Variants in UGT1A7 observed in about 807,000 individuals in gnomAD.
The protein encoded by UGT1A7 is UDP-glucuronosyltransferase 1A7.
In UGT1A7, 33 loss-of-function variants were observed where a neutral mutation model predicts 45.6. That is an observed-to-expected ratio of 0.72 (90% CI 0.55 to 0.97). The LOEUF (loss-of-function observed/expected upper bound fraction) is 0.97. UGT1A7 is among the 50% of genes least tolerant of loss of function. The pLI, the probability that UGT1A7 is intolerant of heterozygous loss-of-function variation, is 0.00. For missense variants in UGT1A7, 684 were observed against 666.2 expected (o/e 1.03, Z -0.29); for synonymous variants, 274 against 250.6 (o/e 1.09, Z -0.88).
At chr2:233,755,745 G>A (rs1342193963) in intron 1 of UGT1A7, 2 of 152,826 alleles carry the variant, frequency 1.3e-5, no homozygotes, top group Non-Finnish European at 2.9e-5. Context: ...TTCCAGCCCC[G>A]GTGCCCATTT....
At chr2:233,724,799 C>T (rs559235136) in intron 1 of UGT1A7, among the ~76,000 whole-genome samples, 7 of 139,258 alleles carry the variant, frequency 5.0e-5, no homozygotes, top group Non-Finnish European at 1.1e-4. Flanking sequence ...GACGGGGTGG[C>T]GGCCGGGCAG....
intron 4 of UGT1A7, chr2:233,770,945 C>A (rs537203065): frequency 1.3e-5 from 2 of 152,232 alleles, no homozygotes; most frequent in African/African-American, 4.8e-5. Flanking sequence ...GCCGGGGGAA[C>A]CTCAGGGAGC....
chr2:233,718,135 A>C, intron 1 of UGT1A7: 1 of 229,592 alleles, frequency 4.4e-6, no homozygotes, highest in Non-Finnish European at 9.1e-6. Flanking sequence ...GTAGATGGAG[A>C]ATCCTCAATA....
chr2:233,748,612 C>T (rs570236786), intron 1 of UGT1A7, among the ~76,000 whole-genome samples: 2 of 151,726 alleles, frequency 1.3e-5, no homozygotes, highest in East Asian at 1.9e-4. Context: ...GAGCAACGAA[C>T]GTGGGATATA....
At position 233,693,745 on chromosome 2, in the gene UGT1A7, T is replaced by C. The variant is rs368550302; in HGVS notation, c.855+10953T>C. On this transcript the variant is annotated intron_variant, in intron 1 of 4. Transcript: ENST00000373426. The stretch of plus-strand genomic sequence containing the variant: ...GAGATGTGGATATAATCACCTTATA[T>C]CAGAAGGTCTCTGTTTGGCTGTTAA... 4.3e-6 allele frequency: 7 copies of C among 1,614,236 alleles called. No homozygotes were observed. The South Asian group carries it at 7.7e-5, about 18-fold the overall frequency.
At chr2:233,706,327 CA>C (rs1479575351) in intron 1 of UGT1A7, among the ~76,000 whole-genome samples, 1 of 152,160 alleles carries the variant, frequency 6.6e-6, no homozygotes, top group Non-Finnish European at 1.5e-5. Context: ...TGGAACTATT[CA>C]AGCTGGTGAC....
At position 233,718,924 on chromosome 2, in the gene UGT1A7, C is replaced by T. The variant is rs1174289899; in HGVS notation, c.855+36132C>T. The stretch of plus-strand genomic sequence containing the variant: ...GAGAGTGGAAAGGTGTTGGTGGTGC[C>T]CACTGATGGCAGCCCCTGGCTCAGC... On this transcript the variant is annotated intron_variant, in intron 1 of 4. Transcript: ENST00000373426. 2.5e-6 allele frequency: 4 copies of T among 1,613,938 alleles called. No homozygotes were observed. The Admixed American group carries it at 5.0e-5, about 20-fold the overall frequency.
intron 1 of UGT1A7, among the ~76,000 whole-genome samples, chr2:233,723,789 T>G (rs1237220769): frequency 4.1e-5 from 2 of 49,208 alleles, no homozygotes; most frequent in Non-Finnish European, 6.9e-5. Flanking sequence ...TGCACCGCCC[T>G]TAATCCATTT....
intron 1 of UGT1A7, among the ~76,000 whole-genome samples, chr2:233,763,089 A>C (rs1698233437): frequency 6.6e-6 from 1 of 152,238 alleles, no homozygotes; most frequent in South Asian, 2.1e-4. Flanking sequence ...GGATGTTTGT[A>C]GGAGAGGCAC....
chr2:233,743,620 G>A (rs1195950260), intron 1 of UGT1A7: 2 of 1,367,320 alleles, frequency 1.5e-6, no homozygotes, highest in Non-Finnish European at 2.0e-6. Flanking sequence ...ACTCCCTGAA[G>A]ACGTCGGCTG....
intron 1 of UGT1A7, chr2:233,713,028 G>A (rs1164174226): frequency 1.9e-6 from 3 of 1,613,750 alleles, no homozygotes; most frequent in African/African-American, 1.3e-5. Flanking sequence ...GCCGCAGCTG[G>A]CCACAGGACT....
chr2:233,761,244 C>A lies in UGT1A7; in HGVS notation c.856-5790C>A, dbSNP rs555483711. 5.0e-6 allele frequency: 8 copies of A among 1,610,826 alleles called. No homozygotes were observed. In the African/African-American group the frequency reaches 1.1e-4, roughly 21 times the overall value. On this transcript the variant is annotated intron_variant, in intron 1 of 4. Transcript: ENST00000373426. ...TAGCCCCAGATATATGCTGAGCAAG[C>A]ATTCTGAGATAATTTAAAATGCCCT...
At chr2:233,727,938 C>T (rs2077667828) in intron 1 of UGT1A7, among the ~76,000 whole-genome samples, 1 of 152,196 alleles carries the variant, frequency 6.6e-6, no homozygotes. Flanking sequence ...AGTGCACACC[C>T]CAGACAGCCT....
chr2:233,699,825 A>T (rs556434145), intron 1 of UGT1A7, among the ~76,000 whole-genome samples: 2 of 152,202 alleles, frequency 1.3e-5, no homozygotes, highest in Non-Finnish European at 2.9e-5. Flanking sequence ...GTAGTTCTCA[A>T]ATAGAACTAA....
chr2:233,729,725 C>A (rs780989099), intron 1 of UGT1A7: 1 of 1,613,968 alleles, frequency 6.2e-7, no homozygotes, highest in East Asian at 2.2e-5. Flanking sequence ...TTACTAACAA[C>A]CAATTCAGAC....
chr2:233,729,567 T>C (rs764515587), intron 1 of UGT1A7: 23 of 1,614,054 alleles, frequency 1.4e-5, no homozygotes, highest in Non-Finnish European at 1.7e-5. Flanking sequence ...CTTCCTTTGA[T>C]GTGGTTTTAA....
intron 1 of UGT1A7, among the ~76,000 whole-genome samples, chr2:233,716,553 T>C (rs1004313369): frequency 1.3e-5 from 2 of 152,344 alleles, no homozygotes; most frequent in Middle Eastern, 3.4e-3. Flanking sequence ...CTTATATTCC[T>C]TTTTTCATTT....
Position 233,710,338 on chromosome 2 carries a change from C to T in UGT1A7, c.855+27546C>T, listed in dbSNP as rs976362588. On this transcript the variant is annotated intron_variant, in intron 1 of 4. Coordinates refer to ENST00000373426, the MANE Select transcript of UGT1A7 (RefSeq NM_019077.3). ...TATGTATGACTTCATAAGAAACAGT[C>T]GAACTGTTTCCAAAGCAGTTATACA... 2.6e-5 allele frequency among the ~76,000 whole-genome samples: 4 copies of T among 152,160 alleles called. No homozygotes were observed. The South Asian group carries it at 6.2e-4, about 24-fold the overall frequency.
chr2:233,747,906 G>C, intron 1 of UGT1A7: 1 of 1,613,472 alleles, frequency 6.2e-7, no homozygotes, highest in Non-Finnish European at 8.5e-7. Context: ...TGCTCCTTAT[G>C]CAAGCCTTGC....
Sources: gnomAD v4.1 joint callset for allele counts (sites outside exome capture counted in the v4.1 genomes callset) on GRCh38, gnomAD v4.1.1 for gene constraint, MANE v1.5 for transcripts, NCBI Gene and HGNC (gene_info 2026-07-23, HGNC 2026-07-21) for gene names.